Variants in MYOM2 observed in about 807,000 individuals in gnomAD.
MYOM2 encodes the protein myomesin-2.
A neutral mutation model predicts 187.6 loss-of-function variants in MYOM2; 254 were observed. The observed-to-expected ratio is 1.35, with a 90% CI of 1.22 to 1.50. The LOEUF is 1.50. Among genes scored for constraint, MYOM2 ranks in the 40% most tolerant of loss-of-function variants. MYOM2 has a pLI of 0.00. For missense variants in MYOM2, 2,796 were observed against 1,924.0 expected (o/e 1.45, Z -8.48); for synonymous variants, 981 against 753.8 (o/e 1.30, Z -4.94).
Position 2,140,857 on chromosome 8 carries a change from A to C in MYOM2, c.3935A>C (p.His1312Pro). The change falls in exon 33 of 37, where the codon CAT (histidine) becomes CCT (proline). Residue 1312 changes from histidine (H) to proline (P), a missense_variant. By Grantham distance (77) the His-to-Pro change is moderately conservative. Transcript: ENST00000262113. ...TFEIFDGKDN[H>P]QRSLDLSGQA... ...GAGATTTTCGATGGCAAAGACAACCATCAACGCTCCCTTGACCTGTCCGGA... is the reference window on the plus strand; with the variant it reads ...GAGATTTTCGATGGCAAAGACAACCCTCAACGCTCCCTTGACCTGTCCGGA... 1.2e-6 allele frequency: 2 copies of C among 1,614,170 alleles called. No homozygotes were observed. Among genetic ancestry groups the C allele is most frequent in the Non-Finnish European group, 1.7e-6 (2 of 1,179,986 alleles).
chr8:2,061,850 G>A (rs918540243), intron 6 of MYOM2, among the ~76,000 whole-genome samples: 1 of 152,234 alleles, frequency 6.6e-6, no homozygotes, highest in African/African-American at 2.4e-5. Context: ...TGTGTGCCTG[G>A]TGCTATCCTG....
chr8:2,094,009 C>G lies in MYOM2; in HGVS notation c.2043C>G (p.Ile681Met). 3 of 1,614,174 alleles carry G rather than the reference C, an allele frequency of 1.9e-6. No homozygotes were observed. The highest frequency in any genetic ancestry group is 2.5e-6 in the Non-Finnish European group (3 of 1,180,038). The change falls in exon 17 of 37, where the codon ATC becomes ATG. Residue 681 changes from isoleucine to methionine, a missense_variant. By Grantham distance (10) the Ile-to-Met change is conservative. Coordinates refer to ENST00000262113, the MANE Select transcript of MYOM2 (RefSeq NM_003970.4). ...VHGLTTGEQY[I>M]FRVKAVNAVG... is the part of the protein sequence containing the mutation. ...GCTTAACCACGGGAGAGCAGTACATCTTCCGAGTCAAGGCGGTCAATGCTG... is the reference window on the plus strand; with the variant it reads ...GCTTAACCACGGGAGAGCAGTACATGTTCCGAGTCAAGGCGGTCAATGCTG...
intron 20 of MYOM2, among the ~76,000 whole-genome samples, chr8:2,101,754 G>A (rs766286777): frequency 6.6e-6 from 1 of 152,020 alleles, no homozygotes; most frequent in East Asian, 1.9e-4. Context: ...ACTTCACGCC[G>A]GGCATTTAAT....
At chr8:2,063,590 G>T (rs1360795003) in intron 6 of MYOM2, among the ~76,000 whole-genome samples, 1 of 152,152 alleles carries the variant, frequency 6.6e-6, no homozygotes, top group Non-Finnish European at 1.5e-5. Context: ...TTCATTCTTT[G>T]CTGAGTGATT....
At chr8:2,133,873 G>A (rs72507660) in intron 32 of MYOM2, among the ~76,000 whole-genome samples, 19,818 of 151,938 alleles carry the variant, frequency 0.13, 2,202 homozygotes, top group African/African-American at 0.28. Context: ...TTTCTAAATC[G>A]TTCACTGTGA....
chr8:2,057,656 T>C lies in MYOM2; in HGVS notation c.436T>C (p.Phe146Leu), dbSNP rs1251176595. ...EDKLAWERHT[F>L]EERISRAPEI... Reference sequence around the variant, plus strand: ...CAAGCTGGCCTGGGAGAGACACACATTTGAAGAGCGGATAAGCAGGGCTCC... The same window carrying C: ...CAAGCTGGCCTGGGAGAGACACACACTTGAAGAGCGGATAAGCAGGGCTCC... Residue 146 changes from phenylalanine (F) to leucine (L), a missense_variant, in exon 5 of 37, where the codon TTT becomes CTT. Transcript: ENST00000262113. The C allele has an allele frequency of 1.2e-6, 2 of 1,613,908 alleles. No homozygotes were observed. Among genetic ancestry groups the C allele is most frequent in the Non-Finnish European group, 1.7e-6 (2 of 1,179,992 alleles).
chr8:2,084,712 T>C (rs879327334), intron 13 of MYOM2, among the ~76,000 whole-genome samples: 3 of 152,194 alleles, frequency 2.0e-5, no homozygotes, highest in Admixed American at 6.5e-5. Flanking sequence ...AATTCAAACA[T>C]GCAGACATAG....
rs562675149 is a variant in MYOM2 at position 2,102,918 on chromosome 8, G to C, written c.2734+137G>C. 1.0e-4 allele frequency: 69 copies of C among 663,568 alleles called. 1 individual carries two copies. Among genetic ancestry groups the C allele is most frequent in the African/African-American group, 1.0e-3 (56 of 55,964 alleles). The allele number at this position is 663,568 out of a possible 1,614,324, so 41.1% of individuals were successfully genotyped here. On this transcript the variant is annotated intron_variant, in intron 21 of 36. Transcript: ENST00000262113. ...GTGTTATGTGTGTATGTGTGGATGG[G>C]TCTGTAGATAAATGAATGGGAGAGT... is the stretch of plus-strand genomic sequence containing the variant.
chr8:2,098,475 C>G (rs1230782262), intron 18 of MYOM2, among the ~76,000 whole-genome samples: 1 of 152,164 alleles, frequency 6.6e-6, no homozygotes, highest in Non-Finnish European at 1.5e-5. Flanking sequence ...GCTCAGGGGA[C>G]AGTGCGTGGC....
Position 2,076,235 on chromosome 8 carries a change from G to T in MYOM2, c.1215G>T (p.Pro405=). The T allele has an allele frequency of 6.2e-7, 1 of 1,613,634 alleles. No homozygotes were observed. Among genetic ancestry groups the T allele is most frequent in the Non-Finnish European group, 8.5e-7 (1 of 1,179,890 alleles). Reference sequence around the variant, plus strand: ...ACTACGTCATCGTGACCTGGAAGCCGCCCAACACCACCACTGAGAGCCCCG... The same window carrying T: ...ACTACGTCATCGTGACCTGGAAGCCTCCCAACACCACCACTGAGAGCCCCG... ...NRDYVIVTWK[P]PNTTTESPVM... is the part of the protein sequence containing the mutation. The change falls in exon 11 of 37, where the codon CCG becomes CCT. Residue 405 remains proline (P), a synonymous_variant. Transcript: ENST00000262113.
intron 8 of MYOM2, among the ~76,000 whole-genome samples, chr8:2,071,117 G>A (rs943949484): frequency 3.9e-5 from 6 of 152,078 alleles, no homozygotes; most frequent in African/African-American, 1.4e-4. Flanking sequence ...ACAGGCGTGT[G>A]TCACCAAACC....
intron 21 of MYOM2, among the ~76,000 whole-genome samples, chr8:2,105,491 C>A (rs530399352): frequency 3.3e-5 from 5 of 152,258 alleles, no homozygotes; most frequent in Non-Finnish European, 5.9e-5. Flanking sequence ...GGCAAGGCCC[C>A]ATGGAGAAGG....
intron 6 of MYOM2, among the ~76,000 whole-genome samples, chr8:2,064,609 T>C (rs577991935): frequency 2.1e-4 from 32 of 152,330 alleles, no homozygotes; most frequent in African/African-American, 7.7e-4. Context: ...CACCAAGTGC[T>C]AATTGGTGAC....
At chr8:2,109,663 G>T in intron 25 of MYOM2, 132 bp downstream of exon 25, 1 of 1,006,038 alleles carries the variant, frequency 9.9e-7, no homozygotes, top group Non-Finnish European at 1.4e-6. Context: ...GGCATGGAAG[G>T]TTGACAAGAT....
At chr8:2,101,969 C>G (rs754357900) in intron 20 of MYOM2, 1 of 152,234 alleles carries the variant, frequency 6.6e-6, no homozygotes, top group African/African-American at 2.4e-5. Context: ...CATGCTCCAG[C>G]TGAGTTGCCA....
intron 21 of MYOM2, 86 bp downstream of exon 21, chr8:2,102,867 G>A: frequency 9.2e-7 from 1 of 1,083,326 alleles, no homozygotes; most frequent in Non-Finnish European, 1.4e-6. Flanking sequence ...GAGGGTGTGT[G>A]GATAAATGAG....
At chr8:2,051,538 C>A (rs1463716372) in intron 2 of MYOM2, among the ~76,000 whole-genome samples, 3 of 152,254 alleles carry the variant, frequency 2.0e-5, no homozygotes, top group African/African-American at 4.8e-5. Context: ...GTCACCCACA[C>A]CCTATGTTTA....
Position 2,076,206 on chromosome 8 carries a change from C to G in MYOM2, c.1186C>G (p.Arg396Gly). 1 of 1,613,540 alleles carries G rather than the reference C, an allele frequency of 6.2e-7. No individual in the cohort carries two copies. Among genetic ancestry groups the G allele is most frequent in the Non-Finnish European group, 8.5e-7 (1 of 1,179,886 alleles). The change falls in exon 11 of 37, where the codon CGG (arginine) becomes GGG (glycine). Residue 396 changes from arginine to glycine, a missense_variant. Coordinates refer to ENST00000262113, the MANE Select transcript of MYOM2 (RefSeq NM_003970.4). ...GGACTTGCAGTGCCACGACGCCAAC[C>G]GGGACTACGTCATCGTGACCTGGAA... is the stretch of plus-strand genomic sequence containing the variant. Reference protein sequence around the residue: ...PMDLQCHDANRDYVIVTWKPP... With the variant: ...PMDLQCHDANGDYVIVTWKPP...
At chr8:2,139,238 C>G (rs758333699) in intron 32 of MYOM2, among the ~76,000 whole-genome samples, 3 of 152,224 alleles carry the variant, frequency 2.0e-5, no homozygotes, top group Non-Finnish European at 2.9e-5. Flanking sequence ...CCTCCTCGGG[C>G]TCAGGCAGTC....
Sources: gnomAD v4.1 joint callset for allele counts (sites outside exome capture counted in the v4.1 genomes callset) on GRCh38, gnomAD v4.1.1 for gene constraint, MANE v1.5 for transcripts, NCBI Gene and HGNC (gene_info 2026-07-23, HGNC 2026-07-21) for gene names.